Variants in IL5RA observed in about 807,000 individuals in gnomAD.
IL5RA encodes interleukin 5 receptor subunit alpha.
Under a neutral mutation model 50.0 loss-of-function variants are expected in IL5RA, and 49 were observed. That is an observed-to-expected ratio of 0.98 (90% CI 0.78 to 1.24). The LOEUF is 1.24. Among genes scored for constraint, IL5RA ranks in the 50% most tolerant of loss-of-function variants. IL5RA has a pLI of 0.00. For synonymous variants in IL5RA, 202 were observed against 174.0 expected (o/e 1.16, Z -1.26); for missense variants, 600 against 500.4 (o/e 1.20, Z -1.90).
chr3:3,108,203 A>C (rs1005327130), intron 2 of IL5RA, among the ~76,000 whole-genome samples: 2 of 152,230 alleles, frequency 1.3e-5, no homozygotes, highest in African/African-American at 4.8e-5. Flanking sequence ...TATAAACTGC[A>C]AAAGACATGT....
intron 9 of IL5RA, among the ~76,000 whole-genome samples, chr3:3,081,412 A>G (rs978364135): frequency 1.3e-5 from 2 of 152,216 alleles, no homozygotes; most frequent in Non-Finnish European, 2.9e-5. Context: ...CTGCAGGTTT[A>G]TAGACACCGG....
chr3:3,089,593 T>C (rs1322401002), intron 9 of IL5RA, among the ~76,000 whole-genome samples: 2 of 152,140 alleles, frequency 1.3e-5, no homozygotes, highest in Non-Finnish European at 2.9e-5. Context: ...TCATGAGAGA[T>C]GGCATCCACA....
intron 9 of IL5RA, among the ~76,000 whole-genome samples, chr3:3,084,541 A>G (rs1702783688): frequency 6.6e-6 from 1 of 152,236 alleles, no homozygotes; most frequent in East Asian, 1.9e-4. Flanking sequence ...TTCATTCCCA[A>G]TGGCTTGTCT....
At chr3:3,090,959 A>C (rs1305208784) in intron 9 of IL5RA, among the ~76,000 whole-genome samples, 1 of 152,118 alleles carries the variant, frequency 6.6e-6, no homozygotes, top group Non-Finnish European at 1.5e-5. Flanking sequence ...GTAAGACTGG[A>C]AATGTGCCCC....
intron 9 of IL5RA, among the ~76,000 whole-genome samples, chr3:3,084,081 C>T (rs985304655): frequency 5.3e-5 from 8 of 150,012 alleles, no homozygotes; most frequent in Non-Finnish European, 4.4e-5. Flanking sequence ...AAGGTTTAGT[C>T]CTGGTTCTGC....
rs2125980641 is a variant in IL5RA at position 3,098,305 on chromosome 3, G to A, written c.368-15C>T. On this transcript the variant is annotated splice_polypyrimidine_tract_variant and intron_variant, in intron 5 of 11. Transcript: ENST00000446632. Reference sequence around the variant, plus strand: ...TCCAGGAGACCCTAGGTAGTCAAAAGTAAAAAGGACAAAACATTGCCATGG... The same window carrying A: ...TCCAGGAGACCCTAGGTAGTCAAAAATAAAAAGGACAAAACATTGCCATGG... The A allele has an allele frequency of 1.2e-6, 2 of 1,611,416 alleles. No homozygotes were observed. The highest frequency in any genetic ancestry group is 2.2e-5 in the East Asian group (1 of 44,876).
intron 9 of IL5RA, among the ~76,000 whole-genome samples, chr3:3,081,442 T>C (rs536051502): frequency 1.3e-5 from 2 of 152,248 alleles, no homozygotes; most frequent in African/African-American, 2.4e-5. Flanking sequence ...CAGCAAGTGG[T>C]ACATCAGCAG....
rs1265139614 is a variant in IL5RA at position 3,081,655 on chromosome 3, T to G, written c.995-5028A>C. On this transcript the variant is annotated intron_variant, in intron 9 of 11. Coordinates refer to ENST00000446632, the MANE Select transcript of IL5RA (RefSeq NM_175726.4). ...CTTCTGACCATGATTACAAAAATCT[T>G]TTCAGTTAAACCACTCTCAAGTTAT... 2.0e-5 allele frequency among the ~76,000 whole-genome samples: 3 copies of G among 152,240 alleles called. No individual in the cohort carries two copies. The East Asian group carries it at 5.8e-4, about 29-fold the overall frequency.
Position 3,092,876 on chromosome 3 carries a change from C to A in IL5RA, c.856-514G>T, listed in dbSNP as rs527616083. On this transcript the variant is annotated intron_variant, in intron 8 of 11. Coordinates refer to ENST00000446632, the MANE Select transcript of IL5RA (RefSeq NM_175726.4). The surrounding 1 kb of genome is among the most constrained non-coding windows in gnomAD (Gnocchi z 4.2). Reference sequence around the variant, plus strand: ...TCCTGACACCTGTATCTTGAATACCCCCGGAGGTGTTTCTCCCTTTTTTAC... The same window carrying A: ...TCCTGACACCTGTATCTTGAATACCACCGGAGGTGTTTCTCCCTTTTTTAC... Among the ~76,000 whole-genome samples the A allele has an allele frequency of 5.9e-5, 9 of 152,216 alleles. No individual in the cohort carries two copies. In the East Asian group the frequency reaches 1.7e-3, roughly 29 times the overall value.
In IL5RA at chr3:3,092,381, C is replaced by T; in HGVS notation, c.856-19G>A. The T allele has an allele frequency of 6.2e-7, 1 of 1,609,258 alleles. No homozygotes were observed. The highest frequency in any genetic ancestry group is 8.5e-7 in the Non-Finnish European group (1 of 1,178,072). On this transcript the variant is annotated intron_variant, in intron 8 of 11. Coordinates refer to ENST00000446632, the MANE Select transcript of IL5RA (RefSeq NM_175726.4). This position sits in a 1 kb window ranked among gnomAD's most constrained non-coding sequence, Gnocchi z 4.2. Reference sequence around the variant, plus strand: ...TTTCTATCTAAGTGGGGAAAGATAGCATTAGAAGAATCTCTAGACACCTAA... The same window carrying T: ...TTTCTATCTAAGTGGGGAAAGATAGTATTAGAAGAATCTCTAGACACCTAA...
Position 3,070,208 on chromosome 3 carries a change from G to A in IL5RA, c.*17C>T. Reference sequence around the variant, plus strand: ...CTGAGGCATGTGTGAGTTCATCAGAGGATGCCAAAGTGACAGTCAAAACAC... The same window carrying A: ...CTGAGGCATGTGTGAGTTCATCAGAAGATGCCAAAGTGACAGTCAAAACAC... On this transcript the variant is annotated 3_prime_UTR_variant, in exon 12 of 12. Transcript: ENST00000446632. The A allele has an allele frequency of 6.4e-7, 1 of 1,560,848 alleles. No individual in the cohort carries two copies. The highest frequency in any genetic ancestry group is 8.8e-7 in the Non-Finnish European group (1 of 1,132,820).
chr3:3,082,516 T>C (rs1315994867), intron 9 of IL5RA, among the ~76,000 whole-genome samples: 1 of 152,248 alleles, frequency 6.6e-6, no homozygotes, highest in Non-Finnish European at 1.5e-5. Flanking sequence ...GTAAAGCATT[T>C]GGGAAATTCA....
rs889006179 is a variant in IL5RA, at chr3:3,069,970, C to T, written c.*255G>A. The T allele has an allele frequency of 5.2e-6, 2 of 382,222 alleles. No individual in the cohort carries two copies. The highest frequency in any genetic ancestry group is 4.2e-5 in the African/African-American group (2 of 47,262). 23.7% of individuals were successfully genotyped at this position (382,222 alleles called of 1,614,324 possible). A position where few individuals can be genotyped will look rare whatever the true frequency, so the allele number is the denominator to read the frequency against. ...AGATTGGCAGGTGAGGAGGTGCTAC[C>T]CTGTACGGCATGGGGAGAAAAAACA... On this transcript the variant is annotated 3_prime_UTR_variant, in exon 12 of 12. Transcript: ENST00000446632.
At chr3:3,093,330 AT>A (rs1412396065) in intron 8 of IL5RA, among the ~76,000 whole-genome samples, 2 of 152,172 alleles carry the variant, frequency 1.3e-5, no homozygotes, top group Non-Finnish European at 1.5e-5. Flanking sequence ...GTCAGGAACT[AT>A]TTATTACTGG....
chr3:3,108,628 G>A lies in IL5RA; in HGVS notation c.-82C>T, dbSNP rs530206293. 3.3e-5 allele frequency: 5 copies of A among 152,320 alleles called. No individual in the cohort carries two copies. The highest frequency in any genetic ancestry group is 7.2e-5 in the African/African-American group (3 of 41,558). The allele number at this position is 152,320 out of a possible 1,614,324, so 9.4% of individuals were successfully genotyped here. A position where few individuals can be genotyped will look rare whatever the true frequency, so the allele number is the denominator to read the frequency against. ...GACCGTGTCTGTCGTGTCTATGCTC[G>A]TGGCTGCAACCCCAGCATCTAGCAT... On this transcript the variant is annotated 5_prime_UTR_variant, in exon 2 of 12. It adds an upstream start codon to the 5' untranslated region. Coordinates refer to ENST00000446632, the MANE Select transcript of IL5RA (RefSeq NM_175726.4).
At chr3:3,079,197 C>A (rs1218537399) in intron 9 of IL5RA, among the ~76,000 whole-genome samples, 2 of 152,186 alleles carry the variant, frequency 1.3e-5, no homozygotes, top group Non-Finnish European at 2.9e-5. Flanking sequence ...TTTATGAAGT[C>A]TTTTCCCAGG....
chr3:3,076,755 C>T (rs1018516758), intron 9 of IL5RA, 128 bp from the exon 10 acceptor site: 44 of 568,986 alleles, frequency 7.7e-5, no homozygotes, highest in Non-Finnish European at 1.3e-4. Flanking sequence ...TGGTGTTGGG[C>T]AAGTAGCTTA....
At chr3:3,102,884 A>C in intron 3 of IL5RA, 64 bp from the exon 4 acceptor site, 2 of 1,408,656 alleles carry the variant, frequency 1.4e-6, no homozygotes, top group Non-Finnish European at 1.9e-6. Flanking sequence ...CACTTTTAAA[A>C]CTTTTCGAAT....
rs1177218291 is a variant in IL5RA at position 3,092,264 on chromosome 3, C to A, written c.954G>T (p.Glu318Asp). 6.2e-7 allele frequency: 1 copy of A among 1,614,142 alleles called. No individual in the cohort carries two copies. Among genetic ancestry groups the A allele is most frequent in the East Asian group, 2.2e-5 (1 of 44,884 alleles). ...VRAAVSSMCR[E>D]AGLWSEWSQP... ...GGCTCCACTCACTCCAGAGCCCTGC[C>A]TCTCTGCACATGGAGCTCACTGCTG... Residue 318 changes from glutamate to aspartate, a missense_variant, in exon 9 of 12, where the codon GAG becomes GAT. By Grantham distance (45) the Glu-to-Asp change is conservative. Coordinates refer to ENST00000446632, the MANE Select transcript of IL5RA (RefSeq NM_175726.4). The surrounding 1 kb of genome is among the most constrained non-coding windows in gnomAD (Gnocchi z 4.2).
Sources: allele counts gnomAD v4.1 joint callset (sites outside exome capture counted in the v4.1 genomes callset), GRCh38; gene constraint gnomAD v4.1.1; non-coding constraint Gnocchi (gnomAD v3.1); transcripts MANE v1.5; gene names NCBI Gene and HGNC (gene_info 2026-07-23, HGNC 2026-07-21).